Variants in ZNF804B observed in about 807,000 individuals in gnomAD.
ZNF804B encodes zinc finger protein 804B.
A neutral mutation model predicts 101.4 loss-of-function variants in ZNF804B; 80 were observed. The observed-to-expected ratio is 0.79, with a 90% CI of 0.66 to 0.95. The LOEUF (loss-of-function observed/expected upper bound fraction) is 0.95, where lower values mean the gene tolerates loss of function less well. ZNF804B is among the 40% of genes least tolerant of loss of function. The pLI, the probability that ZNF804B is intolerant of heterozygous loss-of-function variation, is 0.00. For synonymous variants in ZNF804B, 622 were observed against 558.8 expected (o/e 1.11, Z -1.59); for missense variants, 1,673 against 1,561.9 (o/e 1.07, Z -1.20).
chr7:89,082,909 T>C (rs998122134), intron 1 of ZNF804B, among the ~76,000 whole-genome samples: 1 of 151,816 alleles, frequency 6.6e-6, no homozygotes, highest in Non-Finnish European at 1.5e-5. Context: ...TAGTTGACAA[T>C]TCTTTTAATA....
intron 1 of ZNF804B, among the ~76,000 whole-genome samples, chr7:89,056,434 T>TAG (rs1346263594): frequency 6.6e-6 from 1 of 151,990 alleles, no homozygotes; most frequent in Non-Finnish European, 1.5e-5. Flanking sequence ...TTGAGGAAAA[T>TAG]AGACAGTATG....
At chr7:88,952,409 C>G (rs111622824) in intron 1 of ZNF804B, among the ~76,000 whole-genome samples, 1,564 of 151,788 alleles carry the variant, frequency 0.01, 21 homozygotes, top group African/African-American at 0.036. Context: ...AGGTGGATAA[C>G]TAGGAAAACC....
intron 2 of ZNF804B, among the ~76,000 whole-genome samples, chr7:89,254,334 G>A (rs1789591801): frequency 6.6e-6 from 1 of 151,570 alleles, no homozygotes; most frequent in South Asian, 2.1e-4. Context: ...GAATATAATT[G>A]TATTAAAAGA....
chr7:88,925,669 A>G (rs1792786758), intron 1 of ZNF804B, among the ~76,000 whole-genome samples: 1 of 152,192 alleles, frequency 6.6e-6, no homozygotes, highest in East Asian at 1.9e-4. Context: ...GTCATTGCTG[A>G]TGCCCTTCTC....
chr7:89,116,084 T>TTG (rs1419793729), intron 1 of ZNF804B, among the ~76,000 whole-genome samples: 7 of 151,250 alleles, frequency 4.6e-5, no homozygotes, highest in African/African-American at 1.7e-4. Context: ...TTTTTTTTTT[T>TTG]TGTATTTTTA....
chr7:88,958,579 T>C (rs1235167909), intron 1 of ZNF804B, among the ~76,000 whole-genome samples: 2 of 151,504 alleles, frequency 1.3e-5, no homozygotes, highest in East Asian at 3.9e-4. Context: ...CTATGTATAG[T>C]ACTCTTAAAA....
chr7:88,962,526 T>C (rs939540601), intron 1 of ZNF804B, among the ~76,000 whole-genome samples: 11 of 150,620 alleles, frequency 7.3e-5, no homozygotes, highest in African/African-American at 2.7e-4. Context: ...AATCGATAAT[T>C]AGAAGGAACA....
intron 2 of ZNF804B, among the ~76,000 whole-genome samples, chr7:89,289,977 G>A (rs1294796269): frequency 1.3e-5 from 2 of 152,192 alleles, no homozygotes; most frequent in Non-Finnish European, 2.9e-5. Context: ...GGAAGGGAGA[G>A]AGAAGAGTAA....
Position 89,313,713 on chromosome 7 carries a change from A to G in ZNF804B, c.250-13631A>G, listed in dbSNP as rs543236083. On this transcript the variant is annotated intron_variant, in intron 2 of 3. Coordinates refer to ENST00000333190, the MANE Select transcript of ZNF804B (RefSeq NM_181646.5). ...TAAATTCCAGATACTTCATAAATAT[A>G]TTTTTACAAATATGTTTCTATAAAT... Among the ~76,000 whole-genome samples, 5 of 152,312 alleles carry G rather than the reference A, an allele frequency of 3.3e-5. No individual in the cohort carries two copies. In the South Asian group the frequency reaches 1.0e-3, roughly 32 times the overall value.
chr7:89,233,073 C>T (rs1373640589), intron 2 of ZNF804B, among the ~76,000 whole-genome samples: 1 of 152,008 alleles, frequency 6.6e-6, no homozygotes, highest in Non-Finnish European at 1.5e-5. Context: ...AGGCGCCCGC[C>T]ACCACGCCTG....
At chr7:89,324,541 AT>A (rs1790868040) in intron 2 of ZNF804B, among the ~76,000 whole-genome samples, 1 of 147,214 alleles carries the variant, frequency 6.8e-6, no homozygotes, top group African/African-American at 2.5e-5. Flanking sequence ...TATTATTATT[AT>A]GTTTAAATTT....
chr7:89,293,119 AT>A (rs941026787), intron 2 of ZNF804B, among the ~76,000 whole-genome samples: 3 of 151,720 alleles, frequency 2.0e-5, no homozygotes, highest in African/African-American at 4.8e-5. Flanking sequence ...GAATGTTTTA[AT>A]TTTTTTTAAT....
intron 1 of ZNF804B, among the ~76,000 whole-genome samples, chr7:89,018,512 G>C (rs912263917): frequency 6.6e-6 from 1 of 151,968 alleles, no homozygotes; most frequent in South Asian, 2.1e-4. Flanking sequence ...TTGGATTTTG[G>C]TATCAGAGTT....
rs544717621 is a variant in ZNF804B, at chr7:88,774,813, T to C, written c.108+14729T>C. Reference sequence around the variant, plus strand: ...ATTGTAGAGACCACAAAAAGGAAGCTCCTAATAGAAAAATGAGGACTTAAA... The same window carrying C: ...ATTGTAGAGACCACAAAAAGGAAGCCCCTAATAGAAAAATGAGGACTTAAA... On this transcript the variant is annotated intron_variant, in intron 1 of 3. Transcript: ENST00000333190. Among the ~76,000 whole-genome samples the C allele has an allele frequency of 7.9e-5, 12 of 152,216 alleles. No homozygotes were observed. In the East Asian group the frequency reaches 1.9e-3, roughly 25 times the overall value.
At chr7:88,823,718 G>C (rs1225057274) in intron 1 of ZNF804B, among the ~76,000 whole-genome samples, 2 of 152,104 alleles carry the variant, frequency 1.3e-5, no homozygotes, top group African/African-American at 4.8e-5. Flanking sequence ...AGTTGGACAA[G>C]GACAGCTTCT....
chr7:89,277,830 AG>A (rs1315395968), intron 2 of ZNF804B, among the ~76,000 whole-genome samples: 1 of 152,066 alleles, frequency 6.6e-6, no homozygotes, highest in East Asian at 1.9e-4. Flanking sequence ...GTGTCTTTAT[AG>A]CAGCATGATT....
chr7:88,912,083 A>G (rs569970853), intron 1 of ZNF804B, among the ~76,000 whole-genome samples: 5 of 152,098 alleles, frequency 3.3e-5, no homozygotes, highest in African/African-American at 9.6e-5. Context: ...TGTTAATTGT[A>G]TAAGCAACCA....
chr7:89,019,922 T>G (rs1788637473), intron 1 of ZNF804B, among the ~76,000 whole-genome samples: 1 of 152,168 alleles, frequency 6.6e-6, no homozygotes, highest in Non-Finnish European at 1.5e-5. Flanking sequence ...TTTTTGATTG[T>G]GGAAATATAA....
rs752301713 is a variant in ZNF804B, at chr7:89,336,897, T to C, written c.3915T>C (p.Thr1305=). The part of the protein sequence containing the change: ...LFGPHLNPAT[T]SIIHLNPLIQ... ...GTCCTCACTTAAATCCAGCCACAACTTCTATCATCCACTTGAATCCTTTAA... is the reference window on the plus strand; with the variant it reads ...GTCCTCACTTAAATCCAGCCACAACCTCTATCATCCACTTGAATCCTTTAA... Residue 1305 remains threonine (T), a synonymous_variant, in exon 4 of 4, where the codon ACT becomes ACC. Transcript: ENST00000333190. 4 of 1,614,004 alleles carry C rather than the reference T, an allele frequency of 2.5e-6. No individual in the cohort carries two copies. In the African/African-American group the frequency reaches 5.3e-5, roughly 22 times the overall value.
Sources: allele counts gnomAD v4.1 joint callset (sites outside exome capture counted in the v4.1 genomes callset), GRCh38; gene constraint gnomAD v4.1.1; transcripts MANE v1.5; gene names NCBI Gene and HGNC (gene_info 2026-07-23, HGNC 2026-07-21).